Variants in SLC39A11 observed in about 807,000 individuals in gnomAD.
SLC39A11 encodes the protein solute carrier family 39 member 11.
SLC39A11 carries 33 observed loss-of-function variants against 36.1 expected under a neutral mutation model. The observed-to-expected ratio is 0.91, with a 90% confidence interval of 0.69 to 1.22. The LOEUF (loss-of-function observed/expected upper bound fraction) is 1.22. Among genes scored for constraint, SLC39A11 ranks in the 50% most tolerant of loss-of-function variants. The pLI is 0.00. For synonymous variants in SLC39A11, 166 were observed against 170.3 expected (o/e 0.97, Z 0.20); for missense variants, 432 against 430.3 (o/e 1.00, Z -0.03).
chr17:72,688,809 A>G (rs1357513935), intron 7 of SLC39A11, among the ~76,000 whole-genome samples: 4 of 152,200 alleles, frequency 2.6e-5, no homozygotes, highest in Non-Finnish European at 2.9e-5. Context: ...GGGGTCCAAG[A>G]AGAGGTGAGA....
chr17:72,711,725 T>G (rs1046156758), intron 7 of SLC39A11, among the ~76,000 whole-genome samples: 1 of 151,960 alleles, frequency 6.6e-6, no homozygotes, highest in Non-Finnish European at 1.5e-5. Context: ...AAGCTGGAGA[T>G]TCCCATCAGG....
chr17:72,885,345 G>A (rs762794236), intron 5 of SLC39A11, among the ~76,000 whole-genome samples: 1 of 152,134 alleles, frequency 6.6e-6, no homozygotes, highest in Non-Finnish European at 1.5e-5. Context: ...ATTCCAAAGC[G>A]AGTAATAATT....
At chr17:72,690,158 G>A (rs1403360561) in intron 7 of SLC39A11, among the ~76,000 whole-genome samples, 2 of 152,236 alleles carry the variant, frequency 1.3e-5, no homozygotes, top group African/African-American at 4.8e-5. Flanking sequence ...GGGCTCAAGA[G>A]CCCAGGTGAG....
At chr17:73,010,200 G>A (rs1461960125) in intron 4 of SLC39A11, among the ~76,000 whole-genome samples, 1 of 152,004 alleles carries the variant, frequency 6.6e-6, no homozygotes, top group Non-Finnish European at 1.5e-5. Context: ...GTCTGGGGTG[G>A]GGTCCCGGCA....
chr17:72,976,061 T>C (rs898053829), intron 4 of SLC39A11, among the ~76,000 whole-genome samples: 4 of 150,326 alleles, frequency 2.7e-5, no homozygotes, highest in South Asian at 2.1e-4. Flanking sequence ...TCCCAGCTAC[T>C]CGGGAGGCTG....
intron 3 of SLC39A11, among the ~76,000 whole-genome samples, chr17:73,044,115 A>G (rs1462770569): frequency 6.6e-6 from 1 of 152,100 alleles, no homozygotes; most frequent in African/African-American, 2.4e-5. Context: ...TTGGCTTACA[A>G]TCTCCAAACT....
chr17:72,893,486 C>T (rs1485704630), intron 5 of SLC39A11, among the ~76,000 whole-genome samples: 8 of 152,026 alleles, frequency 5.3e-5, no homozygotes, highest in Non-Finnish European at 1.0e-4. Flanking sequence ...TATATAGATA[C>T]GGACCACAGA....
intron 5 of SLC39A11, among the ~76,000 whole-genome samples, chr17:72,914,985 G>A (rs367690694): frequency 3.3e-5 from 5 of 152,286 alleles, no homozygotes; most frequent in African/African-American, 1.2e-4. Flanking sequence ...AGTGGCACAG[G>A]CTGGGGCCAC....
In SLC39A11 at chr17:72,906,878, C is replaced by G. The variant is rs139671057; in HGVS notation, c.430+40874G>C. Among the ~76,000 whole-genome samples the G allele has an allele frequency of 2.5e-3, 374 of 152,284 alleles. 1 individual carries two copies. The highest frequency in any genetic ancestry group is 8.8e-3 in the African/African-American group (365 of 41,576). Reference sequence around the variant, plus strand: ...AAAGTGTACGAGAACATGGAGACCACCCTTCAAGTCACAAATCCTGCCAGC... The same window carrying G: ...AAAGTGTACGAGAACATGGAGACCAGCCTTCAAGTCACAAATCCTGCCAGC... On this transcript the variant is annotated intron_variant, in intron 5 of 9. Transcript: ENST00000255559.
At chr17:72,687,342 G>A (rs117337626) in intron 7 of SLC39A11, among the ~76,000 whole-genome samples, 3,537 of 152,014 alleles carry the variant, frequency 0.023, 51 homozygotes, top group Middle Eastern at 0.061. Flanking sequence ...TGCAACCTCC[G>A]CCTTCCGGCT....
intron 5 of SLC39A11, among the ~76,000 whole-genome samples, chr17:72,857,466 T>C (rs2146145273): frequency 6.6e-6 from 1 of 152,358 alleles, no homozygotes; most frequent in Middle Eastern, 3.4e-3. Context: ...GTCTTTATGG[T>C]GGAATGCTTT....
intron 7 of SLC39A11, among the ~76,000 whole-genome samples, chr17:72,698,355 G>T (rs950383195): frequency 1.3e-5 from 2 of 150,738 alleles, no homozygotes; most frequent in Admixed American, 6.7e-5. Flanking sequence ...GGTAAAGTTG[G>T]TTTGCTATTG....
At chr17:72,852,226 A>AAAAAAAAAAAAAAAAAAAAAAAG (rs2079382584) in intron 5 of SLC39A11, among the ~76,000 whole-genome samples, 1 of 148,542 alleles carries the variant, frequency 6.7e-6, no homozygotes, top group Non-Finnish European at 1.5e-5. Flanking sequence ...AAAAAAAAAA[A>AAAAAAAAAAAAAAAAAAAAAAAG]AACAGAAAGA....
At chr17:72,823,790 C>T (rs541179972) in intron 6 of SLC39A11, 2 of 151,464 alleles carry the variant, frequency 1.3e-5, no homozygotes, top group East Asian at 1.9e-4. Flanking sequence ...CACTTCTTGC[C>T]ACACTGGTGC....
intron 7 of SLC39A11, among the ~76,000 whole-genome samples, chr17:72,694,569 G>C (rs893082998): frequency 5.9e-5 from 9 of 152,230 alleles, no homozygotes; most frequent in Admixed American, 4.6e-4. Flanking sequence ...TTTGTAGCAG[G>C]GCTGGTTTGG....
chr17:73,005,820 G>C (rs766169818), intron 4 of SLC39A11, among the ~76,000 whole-genome samples: 2 of 152,068 alleles, frequency 1.3e-5, no homozygotes, highest in Non-Finnish European at 2.9e-5. Flanking sequence ...GTGTGGTGGC[G>C]CAGGTCTGTA....
Position 73,079,734 on chromosome 17 carries a change from A to G in SLC39A11, c.147+5074T>C, listed in dbSNP as rs139645342. 4.0e-3 allele frequency among the ~76,000 whole-genome samples: 614 copies of G among 152,308 alleles called. 6 individuals carry two copies. Among genetic ancestry groups the G allele is most frequent in the African/African-American group, 0.014 (573 of 41,564 alleles). The stretch of plus-strand genomic sequence containing the variant: ...CTGTTTGCCGACGATATGATCGTAT[A>G]CCTAGAAAACCCTGAAGACTCATCC... On this transcript the variant is annotated intron_variant, in intron 3 of 9. Transcript: ENST00000255559.
intron 3 of SLC39A11, among the ~76,000 whole-genome samples, chr17:73,056,131 G>A (rs1333476421): frequency 6.6e-6 from 1 of 152,064 alleles, no homozygotes; most frequent in East Asian, 1.9e-4. Flanking sequence ...AGAGCCCCGA[G>A]GGTGGTGAAT....
At chr17:72,761,712 A>G (rs1167804822) in intron 6 of SLC39A11, among the ~76,000 whole-genome samples, 1 of 152,162 alleles carries the variant, frequency 6.6e-6, no homozygotes, top group Non-Finnish European at 1.5e-5. Flanking sequence ...TCACTTGTCT[A>G]AGATCAAGTG....
Sources: allele counts gnomAD v4.1 joint callset (sites outside exome capture counted in the v4.1 genomes callset), GRCh38; gene constraint gnomAD v4.1.1; transcripts MANE v1.5; gene names NCBI Gene and HGNC (gene_info 2026-07-23, HGNC 2026-07-21).